The following GKAP1 variants were observed in gnomAD, a reference collection of about 807,000 sequenced individuals.
GKAP1 encodes the protein G kinase anchoring protein 1.
GKAP1 carries 31 observed loss-of-function variants against 56.7 expected under a neutral mutation model. That is an observed-to-expected ratio of 0.55 (90% CI 0.41 to 0.74). The LOEUF is 0.74. GKAP1 is among the 30% of genes least tolerant of loss of function. The pLI is 0.00. For missense variants in GKAP1, 364 were observed against 402.3 expected (o/e 0.90, Z 0.82); for synonymous variants, 151 against 138.6 (o/e 1.09, Z -0.63).
chr9:83,796,207 C>G (rs559213477), intron 4 of GKAP1, among the ~76,000 whole-genome samples: 1 of 152,228 alleles, frequency 6.6e-6, no homozygotes, highest in South Asian at 2.1e-4. Context: ...GCTGGGATTA[C>G]AGGCATGAGC....
At position 83,788,619 on chromosome 9, in the gene GKAP1, T is replaced by A; in HGVS notation, c.420A>T (p.Glu140Asp). Reference protein sequence around the residue: ...LEKALLLSKLEYEEHKKEYED... With the variant: ...LEKALLLSKLDYEEHKKEYED... Reference sequence around the variant, plus strand: ...TAAATACCTTTTTGTGCTCTTCATATTCTAGTTTACTTAGTAACAATGCCT... The same window carrying A: ...TAAATACCTTTTTGTGCTCTTCATAATCTAGTTTACTTAGTAACAATGCCT... Residue 140 changes from glutamate to aspartate, a missense_variant, in exon 5 of 13, where the codon GAA becomes GAT. Transcript: ENST00000376371. The A allele has an allele frequency of 6.3e-7, 1 of 1,591,106 alleles. No homozygotes were observed. Among genetic ancestry groups the A allele is most frequent in the Non-Finnish European group, 8.6e-7 (1 of 1,163,780 alleles).
intron 8 of GKAP1, among the ~76,000 whole-genome samples, chr9:83,756,380 A>C (rs992247219): frequency 2.0e-4 from 30 of 150,864 alleles, no homozygotes; most frequent in Admixed American, 1.6e-3. Context: ...CTGAGGCACA[A>C]GGATGGCTTG....
At chr9:83,809,801 C>T (rs1944483079) in intron 2 of GKAP1, among the ~76,000 whole-genome samples, 1 of 152,094 alleles carries the variant, frequency 6.6e-6, no homozygotes, top group Non-Finnish European at 1.5e-5. Flanking sequence ...CTGTCATTTG[C>T]TTATTTATTC....
At chr9:83,754,378 A>T (rs994711817) in intron 8 of GKAP1, among the ~76,000 whole-genome samples, 8 of 152,224 alleles carry the variant, frequency 5.3e-5, no homozygotes, top group Non-Finnish European at 1.0e-4. Flanking sequence ...TCTAAGGAGT[A>T]ATGTGGCAAC....
chr9:83,763,632 C>T (rs1032818962), intron 8 of GKAP1, among the ~76,000 whole-genome samples: 3 of 152,144 alleles, frequency 2.0e-5, no homozygotes, highest in Non-Finnish European at 4.4e-5. Flanking sequence ...ATGCTATTTT[C>T]TCCTCACAAA....
At chr9:83,772,989 A>G (rs1459152643) in intron 7 of GKAP1, among the ~76,000 whole-genome samples, 4 of 152,176 alleles carry the variant, frequency 2.6e-5, no homozygotes, top group Non-Finnish European at 5.9e-5. Flanking sequence ...GGGAGTGAAA[A>G]ATGGTAGTCA....
At chr9:83,808,465 T>C (rs953195175) in intron 2 of GKAP1, among the ~76,000 whole-genome samples, 3 of 152,008 alleles carry the variant, frequency 2.0e-5, no homozygotes, top group African/African-American at 7.3e-5. Context: ...GGCATAGTGA[T>C]GCATGCCTGT....
At chr9:83,804,259 G>GC (rs1307807241) in intron 3 of GKAP1, among the ~76,000 whole-genome samples, 9 of 146,684 alleles carry the variant, frequency 6.1e-5, no homozygotes, top group African/African-American at 1.5e-4. Flanking sequence ...GGGGGGCTCA[G>GC]CCCCCCGCCC....
At chr9:83,797,412 C>G (rs1944265701) in intron 4 of GKAP1, among the ~76,000 whole-genome samples, 1 of 152,146 alleles carries the variant, frequency 6.6e-6, no homozygotes, top group Non-Finnish European at 1.5e-5. Context: ...CTTTTGAAAT[C>G]TATTATTACT....
At chr9:83,740,373 A>G (rs1190651032) in intron 12 of GKAP1, among the ~76,000 whole-genome samples, 2 of 152,196 alleles carry the variant, frequency 1.3e-5, no homozygotes, top group Non-Finnish European at 2.9e-5. Context: ...TTAACATAAC[A>G]TAACATAACA....
At chr9:83,784,900 C>T (rs7021357) in intron 5 of GKAP1, 62 bp from the exon 6 acceptor site, 749,099 of 1,271,854 alleles carry the variant, frequency 0.59, 223,320 homozygotes, top group Admixed American at 0.73. Flanking sequence ...AACTCACCAA[C>T]AGGTAATATG....
intron 2 of GKAP1, among the ~76,000 whole-genome samples, chr9:83,812,990 C>A (rs1291454027): frequency 2.0e-5 from 3 of 151,790 alleles, no homozygotes; most frequent in African/African-American, 7.3e-5. Flanking sequence ...TTTTTTTAAT[C>A]TTGATAAGAA....
intron 9 of GKAP1, 55 bp from the exon 10 acceptor site, chr9:83,748,427 T>C: frequency 3.1e-6 from 3 of 978,640 alleles, no homozygotes; most frequent in South Asian, 1.5e-5. Context: ...ATATAATTAA[T>C]GATTTACTGT....
At chr9:83,801,732 A>C (rs959503412) in intron 3 of GKAP1, among the ~76,000 whole-genome samples, 1 of 152,194 alleles carries the variant, frequency 6.6e-6, no homozygotes, top group Non-Finnish European at 1.5e-5. Flanking sequence ...CTTATTCTCT[A>C]ATATAAACTC....
chr9:83,772,381 T>C (rs1436726975), intron 7 of GKAP1, among the ~76,000 whole-genome samples: 1 of 152,284 alleles, frequency 6.6e-6, no homozygotes, highest in Non-Finnish European at 1.5e-5. Flanking sequence ...GAAGTGTCTA[T>C]GCATATGCCA....
chr9:83,810,238 T>G (rs554170053), intron 2 of GKAP1, among the ~76,000 whole-genome samples: 1 of 152,350 alleles, frequency 6.6e-6, no homozygotes, highest in South Asian at 2.1e-4. Flanking sequence ...TTGTTTGTTT[T>G]TATTACCTAC....
At chr9:83,799,043 C>T in intron 4 of GKAP1, 142 bp downstream of exon 4, 2 of 689,452 alleles carry the variant, frequency 2.9e-6, no homozygotes, top group Non-Finnish European at 2.4e-6. Context: ...AAAACAGAAC[C>T]TCTTATTAAA....
chr9:83,814,136 C>G (rs1445148726), intron 2 of GKAP1, among the ~76,000 whole-genome samples: 1 of 152,040 alleles, frequency 6.6e-6, no homozygotes, highest in Admixed American at 6.5e-5. Flanking sequence ...GCAGCAATGT[C>G]AAAAATATAA....
At chr9:83,785,512 C>T (rs1335065575) in intron 5 of GKAP1, among the ~76,000 whole-genome samples, 1 of 152,208 alleles carries the variant, frequency 6.6e-6, no homozygotes, top group African/African-American at 2.4e-5. Flanking sequence ...GCCTTCCCCA[C>T]TCGATCCTTT....
Sources: allele counts gnomAD v4.1 joint callset (sites outside exome capture counted in the v4.1 genomes callset), GRCh38; gene constraint gnomAD v4.1.1; transcripts MANE v1.5; gene names NCBI Gene and HGNC (gene_info 2026-07-23, HGNC 2026-07-21).